SLC44A5: variants seen among roughly 807,000 people sequenced by gnomAD.
SLC44A5 encodes the protein choline transporter-like protein 5.
In SLC44A5, 57 loss-of-function variants were observed where a neutral mutation model predicts 101.8. The observed-to-expected ratio is 0.56, with a 90% CI of 0.45 to 0.70. The LOEUF is 0.70. Among genes scored for constraint, SLC44A5 ranks in the 30% least tolerant of loss-of-function variants. The pLI, the probability that SLC44A5 is intolerant of heterozygous loss-of-function variation, is 0.00. For missense variants in SLC44A5, 737 were observed against 853.1 expected, an observed-to-expected ratio of 0.86 and a Z score of 1.70; for synonymous variants, 281 against 290.9, an observed-to-expected ratio of 0.97 and a Z score of 0.35.
At chr1:75,406,656 C>T (rs1662889222) in intron 2 of SLC44A5, among the ~76,000 whole-genome samples, 1 of 152,150 alleles carries the variant, frequency 6.6e-6, no homozygotes. Flanking sequence ...CAACAAAATT[C>T]AACAGCCCTT....
At chr1:75,265,472 A>G (rs1225696807) in intron 6 of SLC44A5, among the ~76,000 whole-genome samples, 2 of 152,168 alleles carry the variant, frequency 1.3e-5, no homozygotes, top group Non-Finnish European at 2.9e-5. Context: ...AGAATTAGAT[A>G]GAAGGAATAC....
the SLC44A5 span, among the ~76,000 whole-genome samples, chr1:75,705,294 T>C: frequency 2.1e-4 from 32 of 152,316 alleles, no homozygotes; most frequent in African/African-American, 7.7e-4. Context: ...AGTATCAAGT[T>C]TATACTATCT....
chr1:75,350,830 G>A (rs1658591784), intron 3 of SLC44A5, among the ~76,000 whole-genome samples: 1 of 150,096 alleles, frequency 6.7e-6, no homozygotes, highest in Non-Finnish European at 1.5e-5. Context: ...GGAGGTGAAG[G>A]TTGCAGTGAA....
chr1:75,280,859 G>A (rs1570561389), intron 5 of SLC44A5, among the ~76,000 whole-genome samples: 1 of 152,036 alleles, frequency 6.6e-6, no homozygotes, highest in African/African-American at 2.4e-5. Context: ...CAGTCATGCT[G>A]AATTGTGAAT....
At chr1:75,693,441 C>T in the SLC44A5 span, among the ~76,000 whole-genome samples, 1 of 152,156 alleles carries the variant, frequency 6.6e-6, no homozygotes, top group East Asian at 1.9e-4. Context: ...GAGTTATCTG[C>T]TGTTTGTTCA....
At chr1:75,520,097 G>A (rs926337789) in intron 2 of SLC44A5, among the ~76,000 whole-genome samples, 2 of 152,210 alleles carry the variant, frequency 1.3e-5, no homozygotes, top group African/African-American at 4.8e-5. Context: ...TTAAGCAAAG[G>A]CTGTCTTTGT....
the SLC44A5 span, among the ~76,000 whole-genome samples, chr1:75,702,210 C>A: frequency 6.6e-6 from 1 of 152,224 alleles, no homozygotes; most frequent in African/African-American, 2.4e-5. Flanking sequence ...AGTCAATCCT[C>A]AGCCAAAAGA....
the SLC44A5 span, among the ~76,000 whole-genome samples, chr1:75,665,775 AAAAT>A: frequency 2.6e-5 from 4 of 152,140 alleles, no homozygotes; most frequent in East Asian, 1.9e-4. Flanking sequence ...TCAACAAGCA[AAAAT>A]AAATAACCCC....
At chr1:75,555,432 T>C (rs112605542) in intron 1 of SLC44A5, among the ~76,000 whole-genome samples, 37 of 145,658 alleles carry the variant, frequency 2.5e-4, no homozygotes, top group African/African-American at 9.1e-4. Flanking sequence ...ATATAATTTA[T>C]ACCTAAACAA....
At chr1:75,368,523 C>T (rs1450701027) in intron 3 of SLC44A5, among the ~76,000 whole-genome samples, 2 of 152,178 alleles carry the variant, frequency 1.3e-5, no homozygotes, top group Non-Finnish European at 2.9e-5. Flanking sequence ...TTGGCTTTGA[C>T]TTAGGTGGCA....
At chr1:75,525,001 A>G (rs908836584) in intron 2 of SLC44A5, among the ~76,000 whole-genome samples, 6 of 152,158 alleles carry the variant, frequency 3.9e-5, no homozygotes, top group African/African-American at 1.2e-4. Context: ...ATTCAGTCCC[A>G]GTTGATGAGG....
chr1:75,214,772 C>T, intron 19 of SLC44A5, 94 bp from the exon 20 acceptor site: 1 of 981,392 alleles, frequency 1.0e-6, no homozygotes, highest in South Asian at 1.5e-5. Flanking sequence ...CAAATTAATT[C>T]CTGTCATTTG....
At chr1:75,397,396 T>C (rs1662192782) in intron 2 of SLC44A5, among the ~76,000 whole-genome samples, 1 of 152,164 alleles carries the variant, frequency 6.6e-6, no homozygotes, top group South Asian at 2.1e-4. Context: ...ATAGACCTCA[T>C]GGGCAGAGAT....
At chr1:75,250,217 C>T (rs1649446936) in intron 7 of SLC44A5, among the ~76,000 whole-genome samples, 1 of 152,086 alleles carries the variant, frequency 6.6e-6, no homozygotes, top group Non-Finnish European at 1.5e-5. Flanking sequence ...ATGTTCTCAT[C>T]ATTTAGCTGT....
At chr1:75,435,866 C>T (rs190136014) in intron 2 of SLC44A5, among the ~76,000 whole-genome samples, 1 of 152,194 alleles carries the variant, frequency 6.6e-6, no homozygotes, top group East Asian at 1.9e-4. Context: ...CCACCACACA[C>T]ACATACACAC....
the SLC44A5 span, among the ~76,000 whole-genome samples, chr1:75,712,784 A>G: frequency 6.6e-6 from 1 of 152,004 alleles, no homozygotes; most frequent in Non-Finnish European, 1.5e-5. Flanking sequence ...TATAATTACA[A>G]TTCAATCATC....
intron 6 of SLC44A5, among the ~76,000 whole-genome samples, chr1:75,274,541 T>G (rs1651758485): frequency 6.6e-6 from 1 of 152,128 alleles, no homozygotes; most frequent in Non-Finnish European, 1.5e-5. Context: ...TGCCCCTTAC[T>G]TCGAAAGGTG....
In SLC44A5 at chr1:75,275,122, C is replaced by A; in HGVS notation, c.176-80G>T. The A allele has an allele frequency of 3.4e-6, 3 of 889,600 alleles. No individual in the cohort carries two copies. In the Admixed American group the frequency reaches 6.0e-5, roughly 18 times the overall value. 55.1% of individuals were successfully genotyped at this position (889,600 alleles called of 1,614,324 possible). A position where few individuals can be genotyped will look rare whatever the true frequency, so the allele number is the denominator to read the frequency against. Reference sequence around the variant, plus strand: ...TTTGATTTGAGATATTAGAATGCACCACTGCAACACACTAACCTCTCCCCT... The same window carrying A: ...TTTGATTTGAGATATTAGAATGCACAACTGCAACACACTAACCTCTCCCCT... On this transcript the variant is annotated intron_variant, in intron 5 of 23. Coordinates refer to ENST00000370859, the MANE Select transcript of SLC44A5 (RefSeq NM_001130058.2).
At chr1:75,252,509 C>A (rs1649664036) in intron 6 of SLC44A5, among the ~76,000 whole-genome samples, 1 of 152,112 alleles carries the variant, frequency 6.6e-6, no homozygotes, top group South Asian at 2.1e-4. Context: ...AGGATACAAC[C>A]AATGATTGCA....
Sources: allele counts gnomAD v4.1 joint callset (sites outside exome capture counted in the v4.1 genomes callset), GRCh38; gene constraint gnomAD v4.1.1; transcripts MANE v1.5; gene names NCBI Gene and HGNC (gene_info 2026-07-23, HGNC 2026-07-21).